The following NRXN2 variants were observed in gnomAD, a reference collection of about 807,000 sequenced individuals.
NRXN2 encodes neurexin 2, also known as neurexin-2-beta.
In NRXN2, 29 loss-of-function variants were observed where a neutral mutation model predicts 128.8. The ratio of observed to expected loss-of-function variants is 0.23; its 90% CI spans 0.17 to 0.31. The LOEUF (loss-of-function observed/expected upper bound fraction) is 0.31, where lower values mean the gene tolerates loss of function less well. NRXN2 is among the 10% of genes least tolerant of loss of function. The pLI is 1.00. For synonymous variants in NRXN2, 1,098 were observed against 1,075.2 expected, an observed-to-expected ratio of 1.02 and a Z score of -0.41; for missense variants, 1,881 against 2,452.6, an observed-to-expected ratio of 0.77 and a Z score of 4.92.
chr11:64,635,561 A>C lies in NRXN2; in HGVS notation c.3404-109T>G. 2 of 1,241,784 alleles carry C rather than the reference A, an allele frequency of 1.6e-6. No homozygotes were observed. Among genetic ancestry groups the C allele is most frequent in the South Asian group, 2.6e-5 (2 of 78,092 alleles). The allele number at this position is 1,241,784 out of a possible 1,614,324, so 76.9% of individuals were successfully genotyped here. On this transcript the variant is annotated intron_variant, in intron 17 of 22. Transcript: ENST00000265459. The surrounding 1 kb of genome is among the most constrained non-coding windows in gnomAD (Gnocchi z 4.8). ...ATGGAACCCCAGGTCTAGATGTGGGACTTCAGCTGTGATACCCACAGCAGC... is the reference window on the plus strand; with the variant it reads ...ATGGAACCCCAGGTCTAGATGTGGGCCTTCAGCTGTGATACCCACAGCAGC...
At chr11:64,702,038 T>G (rs549304473) in intron 2 of NRXN2, among the ~76,000 whole-genome samples, 9 of 143,276 alleles carry the variant, frequency 6.3e-5, no homozygotes, top group African/African-American at 2.1e-4. Flanking sequence ...AGCCGCCCCG[T>G]CCGGGAGGTG....
At position 64,623,198 on chromosome 11, in the gene NRXN2, GGGA is replaced by G; in HGVS notation, c.3848-123_3848-121del. 7.1e-7 allele frequency: 1 copy of G among 1,416,378 alleles called. No homozygotes were observed. The highest frequency in any genetic ancestry group is 2.0e-4 in the Middle Eastern group (1 of 4,938). The allele number at this position is 1,416,378 out of a possible 1,614,324, so 87.7% of individuals were successfully genotyped here. A position where few individuals can be genotyped will look rare whatever the true frequency, so the allele number is the denominator to read the frequency against. On this transcript the variant is annotated intron_variant, in intron 20 of 22. Transcript: ENST00000265459. This position sits in a 1 kb window ranked among gnomAD's most constrained non-coding sequence, Gnocchi z 4.9. Reference sequence around the variant, plus strand: ...GAGGAATGGAGGAGAAAGCCAGTAAGGGAGGAGGGGACGGGGAGAAATGAGGAA... The same window carrying G: ...GAGGAATGGAGGAGAAAGCCAGTAAGGGAGGGGACGGGGAGAAATGAGGAA...
chr11:64,653,348 C>A (rs1327066591), intron 12 of NRXN2, among the ~76,000 whole-genome samples: 1 of 152,126 alleles, frequency 6.6e-6, no homozygotes, highest in African/African-American at 2.4e-5. Flanking sequence ...TCCATAGGAC[C>A]ACAGGTGCTA....
At position 64,661,039 on chromosome 11, in the gene NRXN2, C is replaced by G. The variant is rs773622521; in HGVS notation, c.1899G>C (p.Glu633Asp). The G allele has an allele frequency of 4.3e-6, 7 of 1,613,514 alleles. No individual in the cohort carries two copies. Among genetic ancestry groups the G allele is most frequent in the East Asian group, 2.2e-5 (1 of 44,886 alleles). ...ESELYLGGLP[E>D]GGRVDLPLPP... is the part of the protein sequence containing the mutation. ...GCAGGGGCAGGTCCACCCGGCCCCC[C>G]TCAGGGAGACCGCCCAGGTACAGCT... The change falls in exon 10 of 23, where the codon GAG becomes GAC. Residue 633 changes from glutamate to aspartate, a missense_variant. Around this residue, in one of 7 missense-constraint regions of NRXN2, gnomAD observed 997 missense variants for 1,240.8 expected, o/e 0.80. Transcript: ENST00000265459.
At position 64,607,654 on chromosome 11, in the gene NRXN2, G is replaced by C. The variant is rs1181529732; in HGVS notation, c.4681C>G (p.Pro1561Ala). 1 of 1,523,404 alleles carries C rather than the reference G, an allele frequency of 6.6e-7. No homozygotes were observed. Among genetic ancestry groups the C allele is most frequent in the African/African-American group, 1.4e-5 (1 of 71,342 alleles). 94.4% of individuals were successfully genotyped at this position (1,523,404 alleles called of 1,614,324 possible). ...FAPSAPAPNL[P>A]AGKMNHRDPL... Reference sequence around the variant, plus strand: ...TCTCGGTGGTTCATTTTGCCCGCCGGCAGGTTGGGGGCCGGGGCGGAGGGG... The same window carrying C: ...TCTCGGTGGTTCATTTTGCCCGCCGCCAGGTTGGGGGCCGGGGCGGAGGGG... The change falls in exon 23 of 23, where the codon CCG (proline) becomes GCG (alanine). Residue 1561 changes from proline to alanine, a missense_variant. Physicochemically the swap from Pro to Ala is conservative, Grantham distance 27. Transcript: ENST00000265459.
intron 11 of NRXN2, 54 bp from the exon 12 acceptor site, chr11:64,653,776 A>AC: frequency 1.5e-6 from 2 of 1,324,240 alleles, no homozygotes; most frequent in Non-Finnish European, 2.1e-6. Flanking sequence ...AGGTAAAACA[A>AC]GTTTTTTTTT....
At chr11:64,640,871 GA>G (rs776532415) in intron 17 of NRXN2, among the ~76,000 whole-genome samples, 2 of 152,246 alleles carry the variant, frequency 1.3e-5, no homozygotes. Context: ...AGCAAAGAGG[GA>G]CTGGCATGGA....
intron 2 of NRXN2, among the ~76,000 whole-genome samples, chr11:64,704,408 AG>A (rs1592242616): frequency 6.6e-6 from 1 of 152,262 alleles, no homozygotes; most frequent in Non-Finnish European, 1.5e-5. Flanking sequence ...ACTGCCTAGA[AG>A]GTAGCCTTGC....
intron 7 of NRXN2, among the ~76,000 whole-genome samples, chr11:64,671,289 G>A (rs1264831118): frequency 2.0e-5 from 3 of 152,156 alleles, no homozygotes; most frequent in Non-Finnish European, 4.4e-5. Context: ...TGGGTGGAAA[G>A]GAAGCCAAGG....
At chr11:64,669,097 G>C in intron 7 of NRXN2, among the ~76,000 whole-genome samples, 1 of 152,238 alleles carries the variant, frequency 6.6e-6, no homozygotes, top group Non-Finnish European at 1.5e-5. Context: ...AGACTCACCT[G>C]CAGCCCTCTC....
chr11:64,692,760 C>T (rs556002153), intron 4 of NRXN2, 87 bp downstream of exon 4: 3 of 1,410,852 alleles, frequency 2.1e-6, no homozygotes, highest in East Asian at 2.3e-5. Context: ...GGGAAGGGGA[C>T]AGGGGAAGGA....
chr11:64,658,381 T>C (rs74596497), intron 11 of NRXN2, among the ~76,000 whole-genome samples: 2,705 of 152,312 alleles, frequency 0.018, 64 homozygotes, highest in African/African-American at 0.06. Context: ...CAAGGGAGCA[T>C]TGTGCAGACT....
intron 3 of NRXN2, among the ~76,000 whole-genome samples, chr11:64,696,854 A>C (rs193100974): frequency 6.6e-6 from 1 of 152,176 alleles, no homozygotes; most frequent in East Asian, 1.9e-4. Context: ...GCTCATCTTC[A>C]ACACAGCCTT....
In NRXN2 at chr11:64,632,451, CACACACGGGAAGGA is replaced by C. The variant is rs1354311307; in HGVS notation, c.3586-1892_3586-1879del. 1.3e-5 allele frequency among the ~76,000 whole-genome samples: 2 copies of C among 152,214 alleles called. No homozygotes were observed. Among genetic ancestry groups the C allele is most frequent in the Non-Finnish European group, 1.5e-5 (1 of 68,026 alleles). ...GGAGACGGGCTGATCATCTGCTCCCCACACACGGGAAGGAACAGTCGATCCTCCTCGGTACTATT... is the reference window on the plus strand; with the variant it reads ...GGAGACGGGCTGATCATCTGCTCCCCACAGTCGATCCTCCTCGGTACTATT... On this transcript the variant is annotated intron_variant, in intron 18 of 22. Transcript: ENST00000265459. This position sits in a 1 kb window ranked among gnomAD's most constrained non-coding sequence, Gnocchi z 4.2.
chr11:64,688,573 G>A, intron 5 of NRXN2: 13 of 985,390 alleles, frequency 1.3e-5, no homozygotes, highest in Non-Finnish European at 1.6e-5. Flanking sequence ...AAGCACCAGG[G>A]GGCGCTCTCC....
intron 22 of NRXN2, among the ~76,000 whole-genome samples, chr11:64,608,465 T>G (rs111760785): frequency 3.3e-5 from 5 of 151,096 alleles, no homozygotes; most frequent in South Asian, 2.1e-4. Flanking sequence ...TCTTTTAGGG[T>G]TTTTTTTCTA....
At chr11:64,645,073 G>C (rs542588592) in intron 17 of NRXN2, among the ~76,000 whole-genome samples, 1 of 152,086 alleles carries the variant, frequency 6.6e-6, no homozygotes, top group African/African-American at 2.4e-5. Flanking sequence ...GCAGGGCCCC[G>C]AGCCATGCAG....
In NRXN2 at chr11:64,702,433, A is replaced by G. The variant is rs1592229072; in HGVS notation, c.731-4641T>C. 5.9e-5 allele frequency among the ~76,000 whole-genome samples: 9 copies of G among 151,314 alleles called. No individual in the cohort carries two copies. The South Asian group carries it at 1.9e-3, about 32-fold the overall frequency. ...GTGTAGAAAGAGGTAGACATGGGAG[A>G]CTTTTCATTTTGTTCTGTACTAAGA... On this transcript the variant is annotated intron_variant, in intron 2 of 22. Transcript: ENST00000265459.
At position 64,668,616 on chromosome 11, in the gene NRXN2, AGGAG is replaced by A. The variant is rs760044044; in HGVS notation, c.1198-16_1198-13del. 1 of 1,613,048 alleles carries A rather than the reference AGGAG, an allele frequency of 6.2e-7. No homozygotes were observed. Reference sequence around the variant, plus strand: ...ACCGAGATGGTCACCTGTCCAGCCCAGGAGGGAGGGAGAAAGACAGGAGACAACC... The same window carrying A: ...ACCGAGATGGTCACCTGTCCAGCCCAGGAGGGAGAAAGACAGGAGACAACC... On this transcript the variant is annotated splice_polypyrimidine_tract_variant and intron_variant, in intron 7 of 22. Transcript: ENST00000265459.
Sources: gnomAD v4.1 joint callset for allele counts (sites outside exome capture counted in the v4.1 genomes callset) on GRCh38, gnomAD v4.1.1 for gene constraint, gnomAD v4.1.1 regional missense constraint, Gnocchi (gnomAD v3.1) non-coding constraint, MANE v1.5 for transcripts, NCBI Gene and HGNC (gene_info 2026-07-23, HGNC 2026-07-21) for gene names.